Variants in RBMS3 observed in about 807,000 individuals in gnomAD.
RBMS3 encodes RNA binding motif single stranded interacting protein 3, also known as RNA-binding motif, single-stranded-interacting protein 3.
A neutral mutation model predicts 66.8 loss-of-function variants in RBMS3; 27 were observed. The ratio of observed to expected loss-of-function variants is 0.40; its 90% CI spans 0.30 to 0.56. The LOEUF is 0.56. RBMS3 is among the 20% of genes least tolerant of loss of function. The pLI is 0.40. For synonymous variants in RBMS3, 188 were observed against 183.0 expected (o/e 1.03, Z -0.22); for missense variants, 513 against 549.5 (o/e 0.93, Z 0.66).
chr3:29,448,216 A>T (rs572013612), intron 2 of RBMS3, among the ~76,000 whole-genome samples: 1 of 152,216 alleles, frequency 6.6e-6, no homozygotes, highest in South Asian at 2.1e-4. Flanking sequence ...ACAAACCAGA[A>T]AAAGGCCATA....
intron 4 of RBMS3, among the ~76,000 whole-genome samples, chr3:29,613,096 G>A (rs1006705898): frequency 1.3e-5 from 2 of 151,952 alleles, no homozygotes; most frequent in Non-Finnish European, 2.9e-5. Context: ...ATGCTTCATT[G>A]TTTTCATCTT....
At chr3:29,926,283 T>G (rs1559806842) in intron 10 of RBMS3, among the ~76,000 whole-genome samples, 1 of 152,160 alleles carries the variant, frequency 6.6e-6, no homozygotes, top group Non-Finnish European at 1.5e-5. Flanking sequence ...TATCCTTAGA[T>G]CTAGTTAAGT....
intron 6 of RBMS3, among the ~76,000 whole-genome samples, chr3:29,836,111 A>C (rs2058501195): frequency 6.6e-6 from 1 of 152,032 alleles, no homozygotes; most frequent in Non-Finnish European, 1.5e-5. Context: ...ACAGAGATTC[A>C]ATCATTAATG....
intron 10 of RBMS3, among the ~76,000 whole-genome samples, chr3:29,901,043 T>G (rs1391193866): frequency 6.6e-6 from 1 of 151,774 alleles, no homozygotes; most frequent in Non-Finnish European, 1.5e-5. Flanking sequence ...AAAATATATG[T>G]AGTTTACCAC....
intron 6 of RBMS3, among the ~76,000 whole-genome samples, chr3:29,867,227 T>C (rs750445128): frequency 3.3e-5 from 5 of 151,954 alleles, no homozygotes; most frequent in African/African-American, 4.8e-5. Flanking sequence ...GATAAGTAAA[T>C]GCAAGGAATC....
intron 3 of RBMS3, among the ~76,000 whole-genome samples, chr3:29,488,972 G>A (rs1261836409): frequency 6.6e-6 from 1 of 152,200 alleles, no homozygotes; most frequent in Non-Finnish European, 1.5e-5. Flanking sequence ...GGATTTCAGA[G>A]TTGGTATCTT....
intron 6 of RBMS3, among the ~76,000 whole-genome samples, chr3:29,856,116 G>GT (rs2149526500): frequency 6.6e-6 from 1 of 152,180 alleles, no homozygotes; most frequent in African/African-American, 2.4e-5. Flanking sequence ...TATTCTTTAA[G>GT]AACTAGGACT....
chr3:29,355,472 A>G (rs1436534554), intron 1 of RBMS3, among the ~76,000 whole-genome samples: 1 of 150,618 alleles, frequency 6.6e-6, no homozygotes, highest in African/African-American at 2.5e-5. Flanking sequence ...AAAAATTGCC[A>G]TTTTTAATAT....
intron 4 of RBMS3, among the ~76,000 whole-genome samples, chr3:29,609,531 T>G (rs1004529369): frequency 3.9e-5 from 6 of 151,960 alleles, no homozygotes; most frequent in African/African-American, 1.4e-4. Context: ...GTGGAAGTAT[T>G]TCACTATGTA....
intron 10 of RBMS3, among the ~76,000 whole-genome samples, chr3:29,926,541 C>T (rs968704724): frequency 2.0e-5 from 3 of 152,100 alleles, no homozygotes; most frequent in African/African-American, 7.2e-5. Context: ...AATGATTTTC[C>T]AGGCCCATTT....
chr3:29,643,964 G>C (rs149981555), intron 4 of RBMS3, among the ~76,000 whole-genome samples: 7 of 152,208 alleles, frequency 4.6e-5, no homozygotes, highest in Non-Finnish European at 1.0e-4. Flanking sequence ...CTGTAAAGCA[G>C]AATGTTTTTC....
intron 3 of RBMS3, among the ~76,000 whole-genome samples, chr3:29,536,834 G>C (rs747530407): frequency 6.6e-5 from 10 of 152,172 alleles, no homozygotes; most frequent in Non-Finnish European, 1.3e-4. Flanking sequence ...AGCAGTTTCT[G>C]CTCCGACTGC....
chr3:29,847,300 C>T (rs1171781840), intron 6 of RBMS3, among the ~76,000 whole-genome samples: 1 of 152,208 alleles, frequency 6.6e-6, no homozygotes, highest in African/African-American at 2.4e-5. Context: ...CATTTGTTTA[C>T]ATATAACTTC....
rs781112177 is a variant in RBMS3 at position 29,936,074 on chromosome 3, A to ATATGCTTG, written c.940-9_940-2dup. 14 of 1,606,344 alleles carry ATATGCTTG rather than the reference A, an allele frequency of 8.7e-6. No individual in the cohort carries two copies. The highest frequency in any genetic ancestry group is 1.1e-5 in the Non-Finnish European group (13 of 1,174,534). On this transcript the variant is annotated splice_polypyrimidine_tract_variant and intron_variant, in intron 10 of 14. Transcript: ENST00000383767. ...GGATATATTTTCAAATGGACATTGT[A>ATATGCTTG]TATGCTTGTAGGGTGCTGTGATTAC...
At position 29,824,268 on chromosome 3, in the gene RBMS3, T is replaced by C. The variant is rs1484837089; in HGVS notation, c.638-44590T>C. 2.6e-5 allele frequency among the ~76,000 whole-genome samples: 4 copies of C among 152,148 alleles called. No homozygotes were observed. In the South Asian group the frequency reaches 6.2e-4, roughly 24 times the overall value. On this transcript the variant is annotated intron_variant, in intron 6 of 14. Coordinates refer to ENST00000383767, the MANE Select transcript of RBMS3 (RefSeq NM_001003793.3). ...CTTATGAAAGAGTTCTGAGGGAGCT[T>C]ATTTGCCTTTCCCCCATGTGATGAC... is the stretch of plus-strand genomic sequence containing the variant.
chr3:29,454,395 C>G (rs1366879052), intron 2 of RBMS3, among the ~76,000 whole-genome samples: 1 of 152,280 alleles, frequency 6.6e-6, no homozygotes, highest in Non-Finnish European at 1.5e-5. Context: ...ACTGTGTCCT[C>G]CATGTTGATT....
chr3:29,894,543 C>T (rs2060081229), intron 8 of RBMS3, among the ~76,000 whole-genome samples: 1 of 151,448 alleles, frequency 6.6e-6, no homozygotes, highest in Non-Finnish European at 1.5e-5. Context: ...TAAAAGAACA[C>T]TAATCCTATT....
chr3:29,361,949 C>T (rs1410804398), intron 1 of RBMS3, among the ~76,000 whole-genome samples: 1 of 152,112 alleles, frequency 6.6e-6, no homozygotes, highest in African/African-American at 2.4e-5. Flanking sequence ...AGCCATTAGT[C>T]GAATCTTTTT....
intron 5 of RBMS3, among the ~76,000 whole-genome samples, chr3:29,747,636 G>A (rs2054981800): frequency 3.3e-5 from 5 of 152,122 alleles, no homozygotes; most frequent in Non-Finnish European, 7.4e-5. Flanking sequence ...CTTTTCTCAT[G>A]ACCAGGAAAA....
Sources: allele counts gnomAD v4.1 joint callset (sites outside exome capture counted in the v4.1 genomes callset), GRCh38; gene constraint gnomAD v4.1.1; transcripts MANE v1.5; gene names NCBI Gene and HGNC (gene_info 2026-07-23, HGNC 2026-07-21).